The following GPC5 variants were observed in gnomAD, a reference collection of about 807,000 sequenced individuals.
GPC5 encodes the protein glypican 5.
Under a neutral mutation model 53.9 loss-of-function variants are expected in GPC5, and 47 were observed. The ratio of observed to expected loss-of-function variants is 0.87; its 90% CI spans 0.69 to 1.11. The LOEUF (loss-of-function observed/expected upper bound fraction) is 1.11, where lower values mean the gene tolerates loss of function less well. GPC5 is among the 50% of genes most tolerant of loss of function. The probability of loss-of-function intolerance (pLI) is 0.00; values close to 1 mark genes in which losing one functional copy is unlikely to be tolerated. For missense variants in GPC5, 748 were observed against 713.1 expected, an observed-to-expected ratio of 1.05 and a Z score of -0.56; for synonymous variants, 286 against 263.3, an observed-to-expected ratio of 1.09 and a Z score of -0.84.
intron 2 of GPC5, among the ~76,000 whole-genome samples, chr13:91,580,769 G>A (rs1207502283): frequency 6.6e-6 from 1 of 152,196 alleles, no homozygotes. Context: ...TCAGAAGCTT[G>A]TGAAGTTCTC....
chr13:91,694,883 A>T (rs1241295461), intron 3 of GPC5, among the ~76,000 whole-genome samples: 1 of 152,236 alleles, frequency 6.6e-6, no homozygotes, highest in Admixed American at 6.5e-5. Context: ...TGCTGGAATT[A>T]CAGGCATGAG....
At chr13:92,796,031 T>C (rs1876665888) in intron 7 of GPC5, among the ~76,000 whole-genome samples, 1 of 152,108 alleles carries the variant, frequency 6.6e-6, no homozygotes, top group African/African-American at 2.4e-5. Flanking sequence ...CAAAGGATTA[T>C]AAATCATTCT....
intron 6 of GPC5, among the ~76,000 whole-genome samples, chr13:92,127,932 A>G (rs1283496782): frequency 1.3e-5 from 2 of 152,200 alleles, no homozygotes; most frequent in Non-Finnish European, 2.9e-5. Flanking sequence ...GGTTGATTTG[A>G]GTCAACAAAA....
At chr13:92,521,657 C>A (rs377209119) in intron 7 of GPC5, among the ~76,000 whole-genome samples, 17 of 152,210 alleles carry the variant, frequency 1.1e-4, no homozygotes, top group Admixed American at 6.5e-4. Context: ...AATGTTAGAC[C>A]TAAAACCATA....
At chr13:91,993,837 C>A (rs1594711775) in intron 6 of GPC5, among the ~76,000 whole-genome samples, 1 of 152,048 alleles carries the variant, frequency 6.6e-6, no homozygotes, top group Non-Finnish European at 1.5e-5. Flanking sequence ...GTCACCTTAG[C>A]TTTAAGCTAG....
At chr13:92,385,399 CACATATATACACAT>C (rs2043787667) in intron 7 of GPC5, among the ~76,000 whole-genome samples, 34 of 57,582 alleles carry the variant, frequency 5.9e-4, no homozygotes, top group South Asian at 9.1e-4. Flanking sequence ...TACATATATA[CACATATATACACAT>C]ATATATACAT....
chr13:91,670,881 T>A (rs1383578920), intron 2 of GPC5, among the ~76,000 whole-genome samples: 1 of 152,150 alleles, frequency 6.6e-6, no homozygotes, highest in Non-Finnish European at 1.5e-5. Context: ...ATAAAACTGA[T>A]AGAATTAAAA....
intron 2 of GPC5, among the ~76,000 whole-genome samples, chr13:91,670,160 A>G (rs1467786356): frequency 1.3e-5 from 2 of 152,168 alleles, no homozygotes; most frequent in Admixed American, 1.3e-4. Context: ...GAGTGATACA[A>G]GGGGACCCTA....
chr13:92,683,290 A>G (rs1386202498), intron 7 of GPC5, among the ~76,000 whole-genome samples: 1 of 151,982 alleles, frequency 6.6e-6, no homozygotes, highest in Non-Finnish European at 1.5e-5. Flanking sequence ...AGGGTTTGCC[A>G]GACAGTCTGT....
chr13:92,433,526 A>T (rs1877181400), intron 7 of GPC5, among the ~76,000 whole-genome samples: 1 of 152,152 alleles, frequency 6.6e-6, no homozygotes, highest in Admixed American at 6.6e-5. Flanking sequence ...GTAATTGGAG[A>T]TAAGAGTTCA....
At chr13:92,643,644 G>T (rs1320385209) in intron 7 of GPC5, among the ~76,000 whole-genome samples, 1 of 142,996 alleles carries the variant, frequency 7.0e-6, no homozygotes, top group Non-Finnish European at 1.5e-5. Context: ...ACCAAACACC[G>T]CATATTCTCA....
intron 7 of GPC5, among the ~76,000 whole-genome samples, chr13:92,587,171 G>A (rs1672435973): frequency 6.6e-6 from 1 of 151,912 alleles, no homozygotes; most frequent in African/African-American, 2.4e-5. Context: ...TTAAAAAAAT[G>A]GAAGAAAAAT....
chr13:92,347,892 T>TATATATA (rs2043434540), intron 7 of GPC5, among the ~76,000 whole-genome samples: 2 of 13,404 alleles, frequency 1.5e-4, no homozygotes, highest in African/African-American at 8.8e-4. Context: ...TTATATATAT[T>TATATATA]ATATATATAA....
intron 7 of GPC5, among the ~76,000 whole-genome samples, chr13:92,748,158 T>C (rs899113512): frequency 6.6e-6 from 1 of 151,984 alleles, no homozygotes; most frequent in Non-Finnish European, 1.5e-5. Context: ...TGAAAAATAG[T>C]ATGTTGCCAG....
chr13:92,354,999 A>ATTAAATTTAATG (rs1259934295), intron 7 of GPC5, among the ~76,000 whole-genome samples: 2 of 151,506 alleles, frequency 1.3e-5, no homozygotes, highest in African/African-American at 4.9e-5. Context: ...ATAATTTAAT[A>ATTAAATTTAATG]TTAAATTAGC....
intron 7 of GPC5, among the ~76,000 whole-genome samples, chr13:92,570,744 G>A (rs927019227): frequency 6.6e-6 from 1 of 151,978 alleles, no homozygotes; most frequent in African/African-American, 2.4e-5. Context: ...TCAAAAGAAA[G>A]GGTGTCTGAA....
intron 7 of GPC5, among the ~76,000 whole-genome samples, chr13:92,371,251 T>C (rs2043648013): frequency 6.6e-6 from 1 of 152,236 alleles, no homozygotes; most frequent in Non-Finnish European, 1.5e-5. Context: ...TGTTATTTCA[T>C]TGTTTGTGAA....
At chr13:92,833,547 T>C (rs1181941752) in intron 7 of GPC5, among the ~76,000 whole-genome samples, 1 of 152,220 alleles carries the variant, frequency 6.6e-6, no homozygotes, top group Non-Finnish European at 1.5e-5. Flanking sequence ...TCCTCTGCAC[T>C]GTGAAATATG....
intron 7 of GPC5, among the ~76,000 whole-genome samples, chr13:92,600,826 A>G (rs900567941): frequency 6.6e-6 from 1 of 151,828 alleles, no homozygotes; most frequent in Non-Finnish European, 1.5e-5. Context: ...TTTATTTTTA[A>G]TCTTTTGCTG....
Sources: gnomAD v4.1 joint callset for allele counts (sites outside exome capture counted in the v4.1 genomes callset) on GRCh38, gnomAD v4.1.1 for gene constraint, MANE v1.5 for transcripts, NCBI Gene and HGNC (gene_info 2026-07-23, HGNC 2026-07-21) for gene names.